Variants in HK2 observed in about 807,000 individuals in gnomAD.
The protein encoded by HK2 is hexokinase 2.
In HK2, 42 loss-of-function variants were observed where a neutral mutation model predicts 92.9. That is an observed-to-expected ratio of 0.45 (90% CI 0.35 to 0.58). The LOEUF (loss-of-function observed/expected upper bound fraction) is 0.58. HK2 is among the 20% of genes least tolerant of loss of function. The pLI is 0.00. For synonymous variants in HK2, 422 were observed against 468.0 expected, an observed-to-expected ratio of 0.90 and a Z score of 1.27; for missense variants, 978 against 1,245.1, an observed-to-expected ratio of 0.79 and a Z score of 3.23.
intron 11 of HK2, 31 bp downstream of exon 11, chr2:74,881,890 C>A: frequency 1.2e-6 from 2 of 1,611,406 alleles, no homozygotes; most frequent in Non-Finnish European, 1.7e-6. Flanking sequence ...AGGAGGGGGC[C>A]CCTGGTGGAC....
At chr2:74,836,966 T>G (rs1028577246) in intron 1 of HK2, among the ~76,000 whole-genome samples, 1 of 152,210 alleles carries the variant, frequency 6.6e-6, no homozygotes, top group Non-Finnish European at 1.5e-5. Flanking sequence ...CGAGGTCACT[T>G]GTCGTCTCCT....
intron 2 of HK2, among the ~76,000 whole-genome samples, chr2:74,857,328 A>G (rs1328583136): frequency 6.6e-6 from 1 of 152,224 alleles, no homozygotes; most frequent in Non-Finnish European, 1.5e-5. Context: ...AGATCCTGTA[A>G]TGGGAGATAA....
At chr2:74,853,252 C>T (rs958570451) in intron 1 of HK2, among the ~76,000 whole-genome samples, 5 of 151,998 alleles carry the variant, frequency 3.3e-5, no homozygotes, top group African/African-American at 9.7e-5. Flanking sequence ...TGTGGTGGCT[C>T]GCTCCTTTAA....
intron 12 of HK2, among the ~76,000 whole-genome samples, chr2:74,882,511 T>C (rs556368431): frequency 2.5e-4 from 38 of 149,688 alleles, no homozygotes; most frequent in African/African-American, 9.1e-4. Flanking sequence ...ACCTGTAATC[T>C]CAGCACTTTG....
chr2:74,882,605 T>TTATATATATATATATATATATATA (rs141761906), intron 12 of HK2, among the ~76,000 whole-genome samples: 2,505 of 74,984 alleles, frequency 0.033, 348 homozygotes, highest in Non-Finnish European at 0.047. Context: ...TCTATTGAAC[T>TTATATATATATATATATATATATA]TATATATATA....
intron 12 of HK2, among the ~76,000 whole-genome samples, chr2:74,882,605 T>TATATATATATATATATATA (rs1553449960): frequency 1.3e-5 from 1 of 75,660 alleles, no homozygotes; most frequent in African/African-American, 4.4e-5. Context: ...TCTATTGAAC[T>TATATATATATATATATATA]TATATATATA....
At position 74,889,240 on chromosome 2, in the gene HK2, C is replaced by T; in HGVS notation, c.2376-5C>T. ...TGAACACTTGCTGTCTCCCTCCCAC[C>T]CCAGTGACTGCCTGGCCCTGCTGCA... is the stretch of plus-strand genomic sequence containing the variant. On this transcript the variant is annotated splice_polypyrimidine_tract_variant and splice_region_variant and intron_variant, in intron 16 of 17. Coordinates refer to ENST00000290573, the MANE Select transcript of HK2 (RefSeq NM_000189.5). The T allele has an allele frequency of 6.2e-7, 1 of 1,611,532 alleles. No homozygotes were observed. Among genetic ancestry groups the T allele is most frequent in the South Asian group, 1.1e-5 (1 of 90,702 alleles).
At chr2:74,882,375 C>A in intron 12 of HK2, 136 bp downstream of exon 12, 1 of 1,305,068 alleles carries the variant, frequency 7.7e-7, no homozygotes, top group Non-Finnish European at 1.1e-6. Context: ...TGGGGAGGGG[C>A]TCCTTGATGG....
intron 2 of HK2, among the ~76,000 whole-genome samples, chr2:74,859,487 T>C (rs1426201834): frequency 1.3e-5 from 2 of 152,078 alleles, no homozygotes. Flanking sequence ...GAGATCGAGA[T>C]CATCCTGGCT....
Position 74,878,887 on chromosome 2 carries a change from G to A in HK2, c.1231G>A (p.Gly411Arg), listed in dbSNP as rs1449017344. The A allele has an allele frequency of 6.4e-7, 1 of 1,551,642 alleles. No homozygotes were observed. The highest frequency in any genetic ancestry group is 8.7e-7 in the Non-Finnish European group (1 of 1,147,102). Residue 411 changes from glycine (G) to arginine (R), a missense_variant, in exon 9 of 18, where the codon GGG becomes AGG. Physicochemically the swap from Gly to Arg is moderately radical, Grantham distance 125. Around this residue, in one of 3 missense-constraint regions of HK2, gnomAD observed 742 missense variants for 922.5 expected, o/e 0.80. Coordinates refer to ENST00000290573, the MANE Select transcript of HK2 (RefSeq NM_000189.5). ...CGAGGAGCGGCTGCGCTCTACTATT[G>A]GGGTCGACGGTTCCGTCTACAAGAA... ...KGEERLRSTI[G>R]VDGSVYKKHP...
At chr2:74,837,618 C>T (rs958704602) in intron 1 of HK2, among the ~76,000 whole-genome samples, 20 of 151,996 alleles carry the variant, frequency 1.3e-4, no homozygotes, top group African/African-American at 4.8e-4. Flanking sequence ...ATCTTCCTCT[C>T]CATCCTTTCA....
At chr2:74,887,848 C>A (rs1689575657) in intron 15 of HK2, 55 bp from the exon 16 acceptor site, 2 of 1,584,390 alleles carry the variant, frequency 1.3e-6, no homozygotes, top group Admixed American at 1.7e-5. Flanking sequence ...TGTCCTGTCT[C>A]AACACATCCC....
In HK2 at chr2:74,890,977, CCTT is replaced by C. The variant is rs761673264; in HGVS notation, c.*41_*43del. 8.0e-5 allele frequency: 129 copies of C among 1,610,296 alleles called. 1 individual carries two copies. Among genetic ancestry groups the C allele is most frequent in the East Asian group, 2.5e-4 (11 of 44,870 alleles). On this transcript the variant is annotated 3_prime_UTR_variant, in exon 18 of 18. Transcript: ENST00000290573. ...ATCGGAAGGGACTTCCTCTTTCTCT[CCTT>C]CTTCCCTGTTTTAAATTATAAGATG...
intron 2 of HK2, among the ~76,000 whole-genome samples, chr2:74,859,604 C>T (rs1688772057): frequency 1.3e-5 from 2 of 152,058 alleles, no homozygotes; most frequent in South Asian, 2.1e-4. Context: ...CAGAGCATTC[C>T]AGCCTGGGCC....
Position 74,834,640 on chromosome 2 carries a change from G to C in HK2, c.60G>C (p.Gln20His), listed in dbSNP as rs371706829. Residue 20 changes from glutamine (Q) to histidine (H), a missense_variant, in exon 1 of 18, where the codon CAG (glutamine) becomes CAC (histidine). Around this residue, in one of 3 missense-constraint regions of HK2, gnomAD observed 47 missense variants for 33.1 expected, o/e 1.42. Coordinates refer to ENST00000290573, the MANE Select transcript of HK2 (RefSeq NM_000189.5). The surrounding 1 kb of genome is among the most constrained non-coding windows in gnomAD (Gnocchi z 4.2). ...FFTELNHDQV[Q>H]KVDQYLYHMR... ...CGGAGCTCAACCATGACCAAGTGCA[G>C]AAGGTAAGTCAGCGCGGGCGGGGCG... is the stretch of plus-strand genomic sequence containing the variant. The C allele has an allele frequency of 6.2e-7, 1 of 1,613,970 alleles. No individual in the cohort carries two copies.
At chr2:74,852,168 G>A (rs1188567453) in intron 1 of HK2, among the ~76,000 whole-genome samples, 2 of 152,230 alleles carry the variant, frequency 1.3e-5, no homozygotes, top group Non-Finnish European at 2.9e-5. Context: ...AGCCACGTGA[G>A]GGCTTGCCAT....
At position 74,834,558 on chromosome 2, in the gene HK2, CTG is replaced by C. The variant is rs776466974; in HGVS notation, c.-22_-21del. 1.2e-5 allele frequency: 19 copies of C among 1,613,390 alleles called. No homozygotes were observed. The highest frequency in any genetic ancestry group is 1.5e-5 in the Non-Finnish European group (18 of 1,179,512). Reference sequence around the variant, plus strand: ...GCGTCTCCGCCTCGGTTTCCCAACTCTGCGCCGTCGGGCCGCGGCAGGATGAT... The same window carrying C: ...GCGTCTCCGCCTCGGTTTCCCAACTCCGCCGTCGGGCCGCGGCAGGATGAT... On this transcript the variant is annotated 5_prime_UTR_variant, in exon 1 of 18. Transcript: ENST00000290573. This position sits in a 1 kb window ranked among gnomAD's most constrained non-coding sequence, Gnocchi z 4.2.
At chr2:74,866,652 T>C (rs1414918694) in intron 2 of HK2, among the ~76,000 whole-genome samples, 2 of 152,194 alleles carry the variant, frequency 1.3e-5, no homozygotes, top group South Asian at 4.1e-4. Context: ...CATGACAGTC[T>C]TCACCCATCT....
intron 2 of HK2, among the ~76,000 whole-genome samples, chr2:74,865,082 C>T (rs915530023): frequency 3.3e-5 from 5 of 152,068 alleles, no homozygotes; most frequent in Admixed American, 6.5e-5. Context: ...TCAGGATTGC[C>T]GAGTCACAGT....
Sources: gnomAD v4.1 joint callset for allele counts (sites outside exome capture counted in the v4.1 genomes callset) on GRCh38, gnomAD v4.1.1 for gene constraint, gnomAD v4.1.1 regional missense constraint, Gnocchi (gnomAD v3.1) non-coding constraint, MANE v1.5 for transcripts, NCBI Gene and HGNC (gene_info 2026-07-23, HGNC 2026-07-21) for gene names.